SOX5: variants seen among roughly 807,000 people sequenced by gnomAD.
The protein encoded by SOX5 is SRY-box transcription factor 5, also known as transcription factor SOX-5.
Under a neutral mutation model 92.0 loss-of-function variants are expected in SOX5, and 9 were observed. That is an observed-to-expected ratio of 0.10 (90% CI 0.06 to 0.17). The LOEUF (loss-of-function observed/expected upper bound fraction) is 0.17, where lower values mean the gene tolerates loss of function less well. SOX5 is among the 10% of genes least tolerant of loss of function. The pLI, the probability that SOX5 is intolerant of heterozygous loss-of-function variation, is 1.00. For missense variants in SOX5, 642 were observed against 944.5 expected, an observed-to-expected ratio of 0.68 and a Z score of 4.20; for synonymous variants, 344 against 336.3, an observed-to-expected ratio of 1.02 and a Z score of -0.25.
At chr12:24,229,427 TAAAC>T (rs1962885811) in intron 3 of SOX5, among the ~76,000 whole-genome samples, 4 of 150,062 alleles carry the variant, frequency 2.7e-5, no homozygotes, top group African/African-American at 9.8e-5. Context: ...AAAAAAAAAA[TAAAC>T]AAGGCATTCC....
intron 4 of SOX5, among the ~76,000 whole-genome samples, chr12:24,185,010 T>A (rs534308315): frequency 1.3e-5 from 2 of 152,186 alleles, no homozygotes; most frequent in Admixed American, 6.5e-5. Flanking sequence ...AGTAGTGTGT[T>A]AGATCCAGTG....
chr12:23,817,744 A>C (rs1389291503), intron 3 of SOX5, among the ~76,000 whole-genome samples: 1 of 152,208 alleles, frequency 6.6e-6, no homozygotes, highest in African/African-American at 2.4e-5. Context: ...CTTTGGTATG[A>C]GTTCCCTCCT....
intron 2 of SOX5, among the ~76,000 whole-genome samples, chr12:24,288,532 G>A (rs1363126663): frequency 1.3e-5 from 2 of 150,750 alleles, no homozygotes; most frequent in Non-Finnish European, 2.9e-5. Flanking sequence ...AGAGGTCACC[G>A]TTACTGAGAT....
chr12:24,258,015 T>TA (rs963540161), intron 3 of SOX5, among the ~76,000 whole-genome samples: 17 of 151,662 alleles, frequency 1.1e-4, no homozygotes, highest in East Asian at 9.9e-4. Flanking sequence ...TCTACTAAAA[T>TA]AAAAAAAATT....
intron 1 of SOX5, among the ~76,000 whole-genome samples, chr12:24,428,550 T>C (rs1966964903): frequency 6.6e-6 from 1 of 151,618 alleles, no homozygotes; most frequent in Non-Finnish European, 1.5e-5. Flanking sequence ...GGCAAGAGGA[T>C]CGCTTGAGCC....
At chr12:23,543,609 C>T (rs988186062) in intron 12 of SOX5, among the ~76,000 whole-genome samples, 1 of 152,144 alleles carries the variant, frequency 6.6e-6, no homozygotes, top group African/African-American at 2.4e-5. Context: ...TCTGTTTTCT[C>T]TTTCTTTCAA....
At chr12:23,541,042 T>C (rs7964486) in intron 13 of SOX5, among the ~76,000 whole-genome samples, 32,175 of 152,116 alleles carry the variant, frequency 0.21, 4,456 homozygotes, top group African/African-American at 0.38. Flanking sequence ...AATATAAATG[T>C]TATATCTTTA....
intron 4 of SOX5, among the ~76,000 whole-genome samples, chr12:23,750,783 G>A (rs1426023251): frequency 6.6e-6 from 1 of 151,730 alleles, no homozygotes; most frequent in East Asian, 1.9e-4. Context: ...ACCTTAAAAA[G>A]TACAAAGTAT....
intron 3 of SOX5, among the ~76,000 whole-genome samples, chr12:24,226,080 A>G (rs1030248450): frequency 6.6e-6 from 1 of 152,172 alleles, no homozygotes; most frequent in Admixed American, 6.5e-5. Context: ...ATTAACAATG[A>G]TTACCATTGG....
chr12:23,836,526 T>C (rs748112768), intron 3 of SOX5, among the ~76,000 whole-genome samples: 1 of 152,036 alleles, frequency 6.6e-6, no homozygotes, highest in Admixed American at 6.6e-5. Flanking sequence ...CTTCAACCCA[T>C]ATGCAAATCT....
At chr12:24,166,051 A>G (rs1224369924) in intron 4 of SOX5, among the ~76,000 whole-genome samples, 1 of 152,166 alleles carries the variant, frequency 6.6e-6, no homozygotes, top group African/African-American at 2.4e-5. Context: ...GAACTGGGGT[A>G]GTGGAAGAAG....
At chr12:23,860,596 A>T (rs2096743999) in intron 2 of SOX5, among the ~76,000 whole-genome samples, 1 of 152,210 alleles carries the variant, frequency 6.6e-6, no homozygotes, top group Non-Finnish European at 1.5e-5. Flanking sequence ...CCAGGACTTT[A>T]AGAGATGCCA....
chr12:23,534,123 C>G lies in SOX5; in HGVS notation c.*96G>C, dbSNP rs1180802013. Reference sequence around the variant, plus strand: ...TAAGACTAACAGTTAAAGTAACAGTCAGTGTATGAGAAAGTTAATGTGCTT... The same window carrying G: ...TAAGACTAACAGTTAAAGTAACAGTGAGTGTATGAGAAAGTTAATGTGCTT... On this transcript the variant is annotated 3_prime_UTR_variant, in exon 15 of 15. Transcript: ENST00000451604. 1 of 944,536 alleles carries G rather than the reference C, an allele frequency of 1.1e-6. No homozygotes were observed. The highest frequency in any genetic ancestry group is 1.6e-6 in the Non-Finnish European group (1 of 607,414). The allele number at this position is 944,536 out of a possible 1,614,324, so 58.5% of individuals were successfully genotyped here. A position where few individuals can be genotyped will look rare whatever the true frequency, so the allele number is the denominator to read the frequency against.
chr12:24,289,146 C>A (rs954689144), intron 2 of SOX5, among the ~76,000 whole-genome samples: 1 of 151,976 alleles, frequency 6.6e-6, no homozygotes, highest in Non-Finnish European at 1.5e-5. Flanking sequence ...CCAGTCATGG[C>A]GGCTTGCATC....
intron 8 of SOX5, among the ~76,000 whole-genome samples, chr12:23,630,014 C>T (rs2078328159): frequency 6.6e-6 from 1 of 151,810 alleles, no homozygotes; most frequent in South Asian, 2.1e-4. Context: ...GAATAAGGGA[C>T]ATGTATCCTA....
intron 4 of SOX5, among the ~76,000 whole-genome samples, chr12:24,061,805 T>C (rs112180717): frequency 1.3e-5 from 2 of 151,118 alleles, no homozygotes; most frequent in African/African-American, 2.4e-5. Flanking sequence ...GGCCCTATAA[T>C]GTAAGAAGCA....
At chr12:24,102,585 A>C (rs1459834613) in intron 4 of SOX5, among the ~76,000 whole-genome samples, 1 of 152,246 alleles carries the variant, frequency 6.6e-6, no homozygotes, top group East Asian at 1.9e-4. Flanking sequence ...TGGATTTAAC[A>C]ATATGGTTAA....
chr12:24,147,683 T>C lies in SOX5; in HGVS notation c.-2+65660A>G, dbSNP rs907453543. Reference sequence around the variant, plus strand: ...CCAGAAAATCTGACTGAATTTACAATAAAGCTACTAGAGCTAATGAGTTTA... The same window carrying C: ...CCAGAAAATCTGACTGAATTTACAACAAAGCTACTAGAGCTAATGAGTTTA... On this transcript the variant is annotated intron_variant, in intron 4 of 4. Transcript: ENST00000446891. Among the ~76,000 whole-genome samples the C allele has an allele frequency of 5.3e-5, 8 of 152,160 alleles. No individual in the cohort carries two copies. The East Asian group carries it at 1.5e-3, about 29-fold the overall frequency.
intron 7 of SOX5, among the ~76,000 whole-genome samples, chr12:23,657,907 T>G (rs534926052): frequency 7.3e-4 from 111 of 152,310 alleles, no homozygotes; most frequent in African/African-American, 2.6e-3. Context: ...TGTTCTTAAA[T>G]GTTAAAAAGT....
Sources: allele counts gnomAD v4.1 joint callset (sites outside exome capture counted in the v4.1 genomes callset), GRCh38; gene constraint gnomAD v4.1.1; transcripts MANE v1.5; gene names NCBI Gene and HGNC (gene_info 2026-07-23, HGNC 2026-07-21).